SUMF1: variants seen among roughly 807,000 people sequenced by gnomAD.
SUMF1 encodes sulfatase modifying factor 1.
In SUMF1, 48 loss-of-function variants were observed where a neutral mutation model predicts 47.6. The ratio of observed to expected loss-of-function variants is 1.01; its 90% CI spans 0.80 to 1.28. The LOEUF (loss-of-function observed/expected upper bound fraction) is 1.28. Among genes scored for constraint, SUMF1 ranks in the 50% most tolerant of loss-of-function variants. SUMF1 has a pLI of 0.00. For missense variants in SUMF1, 571 were observed against 485.4 expected, an observed-to-expected ratio of 1.18 and a Z score of -1.66; for synonymous variants, 230 against 192.1, an observed-to-expected ratio of 1.20 and a Z score of -1.63.
intron 3 of SUMF1, among the ~76,000 whole-genome samples, chr3:4,437,826 C>A (rs1702450432): frequency 6.6e-6 from 1 of 152,082 alleles, no homozygotes; most frequent in African/African-American, 2.4e-5. Flanking sequence ...GTAATTCTAG[C>A]TACTTGGGAG....
chr3:4,056,599 C>T (rs1695195577), intron 9 of SUMF1, among the ~76,000 whole-genome samples: 1 of 151,962 alleles, frequency 6.6e-6, no homozygotes, highest in Admixed American at 6.6e-5. Flanking sequence ...TTTGAAGTTA[C>T]AGTGAGCTAA....
chr3:4,154,012 G>C (rs148833428), intron 8 of SUMF1, among the ~76,000 whole-genome samples: 1 of 151,618 alleles, frequency 6.6e-6, no homozygotes, highest in African/African-American at 2.4e-5. Flanking sequence ...GAGTCAGGCA[G>C]TTGGGGCTAG....
chr3:4,043,790 A>G (rs931836697), intron 9 of SUMF1, among the ~76,000 whole-genome samples: 4 of 152,152 alleles, frequency 2.6e-5, no homozygotes, highest in African/African-American at 7.2e-5. Context: ...TATTCAAACT[A>G]TGTTTCTTTC....
intron 8 of SUMF1, among the ~76,000 whole-genome samples, chr3:4,294,468 G>A (rs1697804033): frequency 6.6e-6 from 1 of 152,132 alleles, no homozygotes; most frequent in African/African-American, 2.4e-5. Context: ...GGACGCTGAG[G>A]CAGGAGGATT....
At chr3:4,431,763 T>C (rs1702239825) in intron 3 of SUMF1, among the ~76,000 whole-genome samples, 1 of 152,194 alleles carries the variant, frequency 6.6e-6, no homozygotes, top group Non-Finnish European at 1.5e-5. Flanking sequence ...GGCAAGGGCA[T>C]TGCTAGCAAG....
chr3:4,386,139 G>A (rs1575160957), intron 7 of SUMF1, among the ~76,000 whole-genome samples: 1 of 152,186 alleles, frequency 6.6e-6, no homozygotes, highest in African/African-American at 2.4e-5. Flanking sequence ...ATATATTTCA[G>A]AATAATCATG....
chr3:4,158,336 AT>A (rs779783800), intron 8 of SUMF1, among the ~76,000 whole-genome samples: 1 of 151,248 alleles, frequency 6.6e-6, no homozygotes, highest in Non-Finnish European at 1.5e-5. Flanking sequence ...ATTGTTTTGA[AT>A]TTTTTTTGAA....
intron 8 of SUMF1, chr3:4,316,941 ATTC>A (rs1239247114): frequency 3.9e-6 from 6 of 1,549,250 alleles, no homozygotes; most frequent in African/African-American, 2.7e-5. Flanking sequence ...AAAGGGCCCA[ATTC>A]TTCTCCACGA....
intron 8 of SUMF1, among the ~76,000 whole-genome samples, chr3:4,365,002 C>T (rs936101906): frequency 2.0e-5 from 3 of 152,108 alleles, no homozygotes; most frequent in African/African-American, 7.2e-5. Flanking sequence ...CATTTTTGTT[C>T]AGTTTCCATG....
intron 9 of SUMF1, among the ~76,000 whole-genome samples, chr3:4,039,048 A>T (rs1312848508): frequency 6.6e-6 from 1 of 152,046 alleles, no homozygotes; most frequent in Admixed American, 6.5e-5. Flanking sequence ...TGCAACAGCA[A>T]TGGCAAACAT....
At chr3:4,295,844 T>C (rs1697839350) in intron 8 of SUMF1, among the ~76,000 whole-genome samples, 1 of 152,216 alleles carries the variant, frequency 6.6e-6, no homozygotes, top group African/African-American at 2.4e-5. Context: ...AATATTCTGA[T>C]TGTGATTTTA....
intron 8 of SUMF1, among the ~76,000 whole-genome samples, chr3:4,206,903 T>G (rs1471171193): frequency 1.3e-5 from 2 of 152,162 alleles, no homozygotes; most frequent in African/African-American, 4.8e-5. Context: ...CTGCTGGAAT[T>G]TTGATAATGA....
chr3:4,179,755 C>A (rs769093189), intron 8 of SUMF1, among the ~76,000 whole-genome samples: 2 of 152,108 alleles, frequency 1.3e-5, no homozygotes, highest in Non-Finnish European at 2.9e-5. Flanking sequence ...CGTGAACTGG[C>A]AACCTACAGA....
At chr3:4,331,451 G>A (rs563943779) in intron 8 of SUMF1, among the ~76,000 whole-genome samples, 5 of 148,948 alleles carry the variant, frequency 3.4e-5, no homozygotes, top group South Asian at 2.1e-4. Flanking sequence ...GAGGTAAGCC[G>A]TTTTAATTAT....
At chr3:4,344,674 T>A (rs548701772) in intron 8 of SUMF1, among the ~76,000 whole-genome samples, 2 of 152,086 alleles carry the variant, frequency 1.3e-5, no homozygotes, top group Admixed American at 6.6e-5. Flanking sequence ...CAGAACTGAA[T>A]GGAGGATCAG....
At chr3:4,464,990 A>T (rs2125180578) in intron 1 of SUMF1, among the ~76,000 whole-genome samples, 1 of 152,360 alleles carries the variant, frequency 6.6e-6, no homozygotes, top group East Asian at 1.9e-4. Context: ...TTGTAAATGT[A>T]ATCCAAAAGA....
At chr3:4,039,272 G>A (rs1467490009) in intron 9 of SUMF1, among the ~76,000 whole-genome samples, 1 of 96,064 alleles carries the variant, frequency 1.0e-5, no homozygotes, top group African/African-American at 4.2e-5. Flanking sequence ...TGCACATTGT[G>A]CAGGTTAGTT....
At chr3:4,171,144 C>T (rs1212237260) in intron 8 of SUMF1, among the ~76,000 whole-genome samples, 3 of 152,170 alleles carry the variant, frequency 2.0e-5, no homozygotes, top group Non-Finnish European at 4.4e-5. Context: ...GAATAAACAC[C>T]TTGCTCCTTA....
chr3:4,225,822 CT>C (rs1277437791), intron 8 of SUMF1, among the ~76,000 whole-genome samples: 1 of 152,102 alleles, frequency 6.6e-6, no homozygotes, highest in Non-Finnish European at 1.5e-5. Flanking sequence ...GTTTATCCCA[CT>C]TAGAAAAGTA....
Sources: allele counts gnomAD v4.1 joint callset (sites outside exome capture counted in the v4.1 genomes callset), GRCh38; gene constraint gnomAD v4.1.1; transcripts MANE v1.5; gene names NCBI Gene and HGNC (gene_info 2026-07-23, HGNC 2026-07-21).